Variants in NFASC observed in about 807,000 individuals in gnomAD.
NFASC encodes neurofascin, also known as neurofascin homolog.
In NFASC, 43 loss-of-function variants were observed where a neutral mutation model predicts 147.5. The observed-to-expected ratio is 0.29, with a 90% CI of 0.23 to 0.38. NFASC has a LOEUF of 0.38. NFASC is among the 10% of genes least tolerant of loss of function. The pLI is 1.00. For missense variants in NFASC, 1,320 were observed against 1,689.0 expected, an observed-to-expected ratio of 0.78 and a Z score of 3.83; for synonymous variants, 622 against 665.5, an observed-to-expected ratio of 0.93 and a Z score of 1.01.
chr1:204,829,909 G>C (rs1178411458), intron 1 of NFASC, among the ~76,000 whole-genome samples: 2 of 152,194 alleles, frequency 1.3e-5, no homozygotes. Context: ...AGAGTGGGCA[G>C]AGTGCTGAAT....
intron 2 of NFASC, among the ~76,000 whole-genome samples, chr1:204,925,709 G>GT (rs1553257291): frequency 6.6e-6 from 1 of 152,132 alleles, no homozygotes; most frequent in Non-Finnish European, 1.5e-5. Flanking sequence ...TCAGCCTATG[G>GT]TTTTCAAATG....
chr1:204,991,628 C>T (rs372902173), intron 24 of NFASC, among the ~76,000 whole-genome samples: 6 of 152,240 alleles, frequency 3.9e-5, no homozygotes, highest in Admixed American at 1.3e-4. Flanking sequence ...GATTACTTCC[C>T]GTTAACCACC....
At chr1:204,984,877 G>A (rs1436444105) in intron 21 of NFASC, among the ~76,000 whole-genome samples, 2 of 152,202 alleles carry the variant, frequency 1.3e-5, no homozygotes. Context: ...GCTGGAAAGT[G>A]AGGGAGGCAG....
chr1:204,892,098 C>T (rs1441458293), intron 1 of NFASC, among the ~76,000 whole-genome samples: 1 of 152,166 alleles, frequency 6.6e-6, no homozygotes, highest in Non-Finnish European at 1.5e-5. Context: ...CAATTTTAAT[C>T]ACAGGAAGGT....
In NFASC at chr1:204,980,390, G is replaced by A. The variant is rs2095489224; in HGVS notation, c.2197G>A (p.Asp733Asn). ...TCCAGCCCCCGAGTCCAATCCTGGT[G>A]ACGTGAAGGGAGAGGGGACCAGAAA... Reference protein sequence around the residue: ...SGAPPESNPGDVKGEGTRKNN... With the variant: ...SGAPPESNPGNVKGEGTRKNN... Residue 733 changes from aspartate (D) to asparagine (N), a missense_variant, in exon 20 of 30, where the codon GAC becomes AAC. This residue lies in a region of NFASC where 981 missense variants were observed against 1,289.5 expected (regional missense o/e 0.76). Transcript: ENST00000339876. The A allele has an allele frequency of 6.2e-7, 1 of 1,613,774 alleles. No individual in the cohort carries two copies. The highest frequency in any genetic ancestry group is 8.5e-7 in the Non-Finnish European group (1 of 1,179,844).
At chr1:204,832,866 G>A (rs16854475) in intron 1 of NFASC, among the ~76,000 whole-genome samples, 1,752 of 152,354 alleles carry the variant, frequency 0.011, 28 homozygotes, top group African/African-American at 0.039. Context: ...GCACCAAACT[G>A]TCTGGACAGA....
intron 1 of NFASC, among the ~76,000 whole-genome samples, chr1:204,835,520 C>T (rs1007725971): frequency 1.3e-5 from 2 of 152,086 alleles, no homozygotes; most frequent in Admixed American, 6.5e-5. Flanking sequence ...TGAGCCACTG[C>T]GCCCGGCTGG....
At chr1:204,835,960 G>A (rs928999071) in intron 1 of NFASC, among the ~76,000 whole-genome samples, 4 of 152,314 alleles carry the variant, frequency 2.6e-5, no homozygotes, top group African/African-American at 9.6e-5. Flanking sequence ...GGCTGGCAGA[G>A]CAATTCCAAG....
chr1:204,991,903 A>G (rs1217185023), intron 24 of NFASC, among the ~76,000 whole-genome samples: 2 of 152,172 alleles, frequency 1.3e-5, no homozygotes, highest in African/African-American at 4.8e-5. Context: ...CTCAGCAGGC[A>G]CCGTGGGCTG....
chr1:204,989,031 C>T, intron 23 of NFASC: 1 of 578,464 alleles, frequency 1.7e-6, no homozygotes, highest in Non-Finnish European at 3.1e-6. Context: ...CCTGGGTCCC[C>T]ACTTGCCCTG....
chr1:204,975,962 C>T lies in NFASC; in HGVS notation c.1706+544C>T, dbSNP rs1363260581. ...AGGACACTGGCAGGGTTTAAAAGTC[C>T]CCCTGGGGGTTCCAGTGTGCATCAG... is the stretch of plus-strand genomic sequence containing the variant. On this transcript the variant is annotated intron_variant, in intron 15 of 29. Transcript: ENST00000339876. The surrounding 1 kb of genome is among the most constrained non-coding windows in gnomAD (Gnocchi z 4.0). Among the ~76,000 whole-genome samples, 1 of 152,046 alleles carries T rather than the reference C, an allele frequency of 6.6e-6. No individual in the cohort carries two copies. Among genetic ancestry groups the T allele is most frequent in the Non-Finnish European group, 1.5e-5 (1 of 68,016 alleles).
rs189585742 is a variant in NFASC, at chr1:204,921,001, G to A, written c.-91+261G>A. Among the ~76,000 whole-genome samples, 384 of 152,278 alleles carry A rather than the reference G, an allele frequency of 2.5e-3. 9 individuals are homozygous for A. Among genetic ancestry groups the A allele is most frequent in the South Asian group, 2.3e-3 (11 of 4,822 alleles). The stretch of plus-strand genomic sequence containing the variant: ...GCAGGGACAGTCAGCCAACATTAGC[G>A]CTGGCATTGTCCCAATGTCCACCTA... On this transcript the variant is annotated intron_variant, in intron 2 of 29. Transcript: ENST00000339876.
Position 204,969,937 on chromosome 1 carries a change from G to T in NFASC, c.1004-679G>T, listed in dbSNP as rs141646803. On this transcript the variant is annotated intron_variant, in intron 10 of 29. Transcript: ENST00000339876. ...CTAAAAATACAAAAATTAGCTGGGC[G>T]TGGTGGGACATGCCTGTAATCTCAG... is the stretch of plus-strand genomic sequence containing the variant. Among the ~76,000 whole-genome samples the T allele has an allele frequency of 9.2e-5, 14 of 151,986 alleles. No individual in the cohort carries two copies. In the East Asian group the frequency reaches 1.3e-3, roughly 15 times the overall value.
chr1:205,002,614 C>T lies in NFASC; in HGVS notation c.3155C>T (p.Thr1052Ile), dbSNP rs376402148. The change falls in exon 27 of 30, where the codon ACT becomes ATT. Residue 1052 changes from threonine to isoleucine, a missense_variant. Thr to Ile is a moderately conservative substitution (Grantham distance 89). This residue lies in a region of NFASC where 172 missense variants were observed against 165.8 expected (regional missense o/e 1.04). Coordinates refer to ENST00000339876, the MANE Select transcript of NFASC (RefSeq NM_001005388.3). ...TCCCCAGGCAACCATACGAAAAAAA[C>T]TGTCCCAGTTAAGGCCCAGGCTCAG... Reference protein sequence around the residue: ...EYIDSNHTKKTVPVKAQAQPI... With the variant: ...EYIDSNHTKKIVPVKAQAQPI... The T allele has an allele frequency of 2.6e-6, 4 of 1,529,706 alleles. No individual in the cohort carries two copies. The highest frequency in any genetic ancestry group is 3.6e-6 in the Non-Finnish European group (4 of 1,122,972). The allele number at this position is 1,529,706 out of a possible 1,614,324, so 94.8% of individuals were successfully genotyped here.
At chr1:204,918,978 C>T (rs560888443) in intron 1 of NFASC, among the ~76,000 whole-genome samples, 142 of 152,240 alleles carry the variant, frequency 9.3e-4, no homozygotes, top group African/African-American at 3.3e-3. Flanking sequence ...CAAAGTCCAA[C>T]TTCTGTCTGT....
intron 1 of NFASC, among the ~76,000 whole-genome samples, chr1:204,840,482 G>A (rs1675003784): frequency 6.6e-6 from 1 of 152,198 alleles, no homozygotes; most frequent in Admixed American, 6.5e-5. Flanking sequence ...GAGACTATAA[G>A]TGGCTTGAAG....
At chr1:205,002,471 T>C in intron 26 of NFASC, 125 bp from the exon 27 acceptor site, 3 of 683,156 alleles carry the variant, frequency 4.4e-6, no homozygotes, top group South Asian at 7.7e-5. Flanking sequence ...TATGGTGGAC[T>C]GGACCCGCGG....
At chr1:204,849,736 G>T (rs1437735471) in intron 1 of NFASC, among the ~76,000 whole-genome samples, 3 of 152,206 alleles carry the variant, frequency 2.0e-5, no homozygotes, top group Middle Eastern at 3.2e-3. Context: ...AGTGCCCGCA[G>T]TTGGGTGGTA....
chr1:204,946,686 C>T lies in NFASC; in HGVS notation c.91+2280C>T, dbSNP rs199539441. 1.7e-3 allele frequency: 894 copies of T among 517,446 alleles called. 14 individuals are homozygous for T. The highest frequency in any genetic ancestry group is 8.4e-3 in the South Asian group (603 of 71,496). The allele number at this position is 517,446 out of a possible 1,614,324, so 32.1% of individuals were successfully genotyped here. On this transcript the variant is annotated intron_variant, in intron 3 of 29. Transcript: ENST00000339876. ...GCTGGAAGGTGGTGGTCATGTACGGCGAGGGCATTGGCATTTCTGGCAATT... is the reference window on the plus strand; with the variant it reads ...GCTGGAAGGTGGTGGTCATGTACGGTGAGGGCATTGGCATTTCTGGCAATT...
Sources: allele counts gnomAD v4.1 joint callset (sites outside exome capture counted in the v4.1 genomes callset), GRCh38; gene constraint gnomAD v4.1.1; regional missense constraint gnomAD v4.1.1; non-coding constraint Gnocchi (gnomAD v3.1); transcripts MANE v1.5; gene names NCBI Gene and HGNC (gene_info 2026-07-23, HGNC 2026-07-21).